Variants in TMTC2 observed in about 807,000 individuals in gnomAD.
TMTC2 encodes transmembrane O-mannosyltransferase targeting cadherins 2, also known as protein O-mannosyl-transferase TMTC2.
TMTC2 carries 43 observed loss-of-function variants against 82.4 expected under a neutral mutation model. The observed-to-expected ratio is 0.52, with a 90% confidence interval of 0.41 to 0.67. The LOEUF (loss-of-function observed/expected upper bound fraction) is 0.67. Among genes scored for constraint, TMTC2 ranks in the 30% least tolerant of loss-of-function variants. The probability of loss-of-function intolerance (pLI) is 0.00; values close to 1 mark genes in which losing one functional copy is unlikely to be tolerated. For synonymous variants in TMTC2, 408 were observed against 381.9 expected (o/e 1.07, Z -0.80); for missense variants, 919 against 1,012.4 (o/e 0.91, Z 1.25).
chr12:83,087,525 T>C (rs1351957344), intron 11 of TMTC2, among the ~76,000 whole-genome samples: 1 of 152,246 alleles, frequency 6.6e-6, no homozygotes, highest in Non-Finnish European at 1.5e-5. Flanking sequence ...GCCTTAAAAA[T>C]GTATTTCTTA....
chr12:82,743,555 A>T (rs1875528334), intron 1 of TMTC2, among the ~76,000 whole-genome samples: 1 of 151,980 alleles, frequency 6.6e-6, no homozygotes. Flanking sequence ...ATTCCTTTTC[A>T]TTGTTTCCCA....
At position 82,809,997 on chromosome 12, in the gene TMTC2, T is replaced by G. The variant is rs374903828; in HGVS notation, c.84-47013T>G. ...GTATATATCATCTTAATCTCTTCAT[T>G]TTAGAGGAGCTGAAATGCTGAGAAT... On this transcript the variant is annotated intron_variant, in intron 1 of 11. Coordinates refer to ENST00000321196, the MANE Select transcript of TMTC2 (RefSeq NM_152588.3). Among the ~76,000 whole-genome samples, 20 of 152,208 alleles carry G rather than the reference T, an allele frequency of 1.3e-4. No homozygotes were observed. In the East Asian group the frequency reaches 3.3e-3, roughly 25 times the overall value.
intron 2 of TMTC2, among the ~76,000 whole-genome samples, chr12:82,881,988 G>T (rs2707755): frequency 0.23 from 33,232 of 141,694 alleles, 6,042 homozygotes; most frequent in African/African-American, 0.52. Flanking sequence ...AATTTTTGTT[G>T]TTAAGATTTT....
At chr12:82,792,721 T>G (rs1055594712) in intron 1 of TMTC2, among the ~76,000 whole-genome samples, 1 of 152,218 alleles carries the variant, frequency 6.6e-6, no homozygotes, top group Non-Finnish European at 1.5e-5. Context: ...TCCTCCCACC[T>G]TAGCCTCTCA....
chr12:82,824,240 T>A lies in TMTC2; in HGVS notation c.84-32770T>A, dbSNP rs1869282069. Among the ~76,000 whole-genome samples, 3 of 152,266 alleles carry A rather than the reference T, an allele frequency of 2.0e-5. No individual in the cohort carries two copies. The South Asian group carries it at 6.2e-4, about 32-fold the overall frequency. On this transcript the variant is annotated intron_variant, in intron 1 of 11. Transcript: ENST00000321196. ...AATGTTTTGTATGGATCTTATAATG[T>A]ATGTTATAGAGACTTGGACTTTGAA...
intron 1 of TMTC2, among the ~76,000 whole-genome samples, chr12:82,700,329 A>G (rs1873016089): frequency 6.6e-6 from 1 of 152,226 alleles, no homozygotes; most frequent in Admixed American, 6.5e-5. Context: ...TTTCTTTTAA[A>G]TTATTCATTA....
At chr12:83,068,233 C>T (rs1218203581) in intron 11 of TMTC2, among the ~76,000 whole-genome samples, 2 of 151,972 alleles carry the variant, frequency 1.3e-5, no homozygotes, top group Non-Finnish European at 2.9e-5. Flanking sequence ...ACCACTAAGA[C>T]TGAGCTCTGG....
chr12:83,008,888 A>G (rs1384612596), intron 8 of TMTC2, among the ~76,000 whole-genome samples: 1 of 151,760 alleles, frequency 6.6e-6, no homozygotes, highest in Non-Finnish European at 1.5e-5. Flanking sequence ...TTCCCTTAGT[A>G]CTCTTTCTCT....
At chr12:82,793,810 A>G (rs555986496) in intron 1 of TMTC2, among the ~76,000 whole-genome samples, 53 of 152,256 alleles carry the variant, frequency 3.5e-4, no homozygotes, top group African/African-American at 1.3e-3. Context: ...TTCTTCCCCA[A>G]TTCACTGCAG....
At chr12:82,748,922 A>G (rs1875832481) in intron 1 of TMTC2, among the ~76,000 whole-genome samples, 1 of 152,178 alleles carries the variant, frequency 6.6e-6, no homozygotes, top group African/African-American at 2.4e-5. Context: ...ATGTGTATAT[A>G]TGTATGTGTA....
intron 1 of TMTC2, among the ~76,000 whole-genome samples, chr12:82,691,857 G>A (rs1872592490): frequency 6.6e-6 from 1 of 152,122 alleles, no homozygotes; most frequent in South Asian, 2.1e-4. Context: ...CTTATCAAGT[G>A]ATTATTATAA....
chr12:82,722,396 T>TAAA (rs1459480029), intron 1 of TMTC2, among the ~76,000 whole-genome samples: 241 of 16,254 alleles, frequency 0.015, no homozygotes, highest in African/African-American at 0.059. Context: ...CTACTAAAAA[T>TAAA]ACAAAAAAAA....
intron 11 of TMTC2, among the ~76,000 whole-genome samples, chr12:83,114,512 C>T (rs187494193): frequency 3.3e-5 from 5 of 152,256 alleles, no homozygotes; most frequent in Non-Finnish European, 2.9e-5. Flanking sequence ...GTATGCCTAA[C>T]CCTAAATTTT....
intron 1 of TMTC2, among the ~76,000 whole-genome samples, chr12:82,822,847 C>T (rs1241573419): frequency 2.0e-5 from 3 of 152,302 alleles, no homozygotes; most frequent in East Asian, 1.9e-4. Flanking sequence ...CGCTGCAGTA[C>T]GTTGTATTCT....
chr12:82,689,257 G>A (rs1592849746), intron 1 of TMTC2, among the ~76,000 whole-genome samples: 1 of 152,030 alleles, frequency 6.6e-6, no homozygotes, highest in Middle Eastern at 3.4e-3. Flanking sequence ...GCTCTGTTGG[G>A]GGCGGTTTGA....
At chr12:82,964,953 T>TTCCA in intron 4 of TMTC2, 71 bp from the exon 5 acceptor site, 2 of 1,001,418 alleles carry the variant, frequency 2.0e-6, no homozygotes, top group Non-Finnish European at 2.9e-6. Context: ...TTTTGGAATA[T>TTCCA]AAAATAAAAA....
intron 3 of TMTC2, among the ~76,000 whole-genome samples, chr12:82,921,562 T>A (rs1371127742): frequency 6.6e-6 from 1 of 152,122 alleles, no homozygotes; most frequent in Non-Finnish European, 1.5e-5. Context: ...TGCAGGCCCT[T>A]GAGATGGAGC....
At chr12:83,057,184 T>C (rs12833644) in intron 10 of TMTC2, among the ~76,000 whole-genome samples, 52,472 of 151,742 alleles carry the variant, frequency 0.35, 9,628 homozygotes, top group South Asian at 0.47. Context: ...ATATAATCTT[T>C]CTAGATATGG....
At chr12:83,058,466 A>T (rs1245410211) in intron 10 of TMTC2, among the ~76,000 whole-genome samples, 1 of 151,752 alleles carries the variant, frequency 6.6e-6, no homozygotes, top group African/African-American at 2.4e-5. Context: ...GAGAGACCAG[A>T]GGTAATGTGA....
Sources: gnomAD v4.1 joint callset for allele counts (sites outside exome capture counted in the v4.1 genomes callset) on GRCh38, gnomAD v4.1.1 for gene constraint, MANE v1.5 for transcripts, NCBI Gene and HGNC (gene_info 2026-07-23, HGNC 2026-07-21) for gene names.